NOS1AP: variants seen among roughly 807,000 people sequenced by gnomAD.
NOS1AP encodes carboxyl-terminal PDZ ligand of neuronal nitric oxide synthase protein.
In NOS1AP, 21 loss-of-function variants were observed where a neutral mutation model predicts 56.2. The ratio of observed to expected loss-of-function variants is 0.37; its 90% CI spans 0.26 to 0.54. The LOEUF is 0.54. NOS1AP is among the 20% of genes least tolerant of loss of function. The probability of loss-of-function intolerance (pLI) is 0.84; values close to 1 mark genes in which losing one functional copy is unlikely to be tolerated. For missense variants in NOS1AP, 522 were observed against 657.8 expected, an observed-to-expected ratio of 0.79 and a Z score of 2.26; for synonymous variants, 270 against 274.6, an observed-to-expected ratio of 0.98 and a Z score of 0.17.
intron 8 of NOS1AP, chr1:162,360,955 G>T (rs1231525736): frequency 4.4e-6 from 2 of 456,646 alleles, no homozygotes; most frequent in South Asian, 1.5e-5. Flanking sequence ...GGGCGCCAAT[G>T]GTCTGGTGTG....
At chr1:162,072,559 T>C (rs111317378) in intron 1 of NOS1AP, among the ~76,000 whole-genome samples, 1 of 152,106 alleles carries the variant, frequency 6.6e-6, no homozygotes, top group African/African-American at 2.4e-5. Flanking sequence ...GGATCCTTCT[T>C]TGAGAGAGGT....
At chr1:162,273,187 G>C in intron 2 of NOS1AP, among the ~76,000 whole-genome samples, 1 of 123,774 alleles carries the variant, frequency 8.1e-6, no homozygotes, top group Non-Finnish European at 1.7e-5. Flanking sequence ...TTTTTGAGAC[G>C]GAGTCTGGCT....
chr1:162,283,743 T>C (rs1267646073), intron 2 of NOS1AP, among the ~76,000 whole-genome samples: 1 of 152,116 alleles, frequency 6.6e-6, no homozygotes, highest in African/African-American at 2.4e-5. Flanking sequence ...AGTCTGCAGG[T>C]GGTGTTCCAG....
chr1:162,273,160 C>CTTTTTTTTTTTTTTTTTTTT (rs11429407), intron 2 of NOS1AP, among the ~76,000 whole-genome samples: 1 of 106,222 alleles, frequency 9.4e-6, no homozygotes, highest in Non-Finnish European at 1.8e-5. Flanking sequence ...AGCCCTTGTT[C>CTTTTTTTTTTTTTTTTTTTT]TTTTTTTTTT....
chr1:162,347,608 T>C (rs904796535), intron 6 of NOS1AP, among the ~76,000 whole-genome samples: 4 of 152,102 alleles, frequency 2.6e-5, no homozygotes, highest in Admixed American at 6.5e-5. Flanking sequence ...AAGGGCTAGA[T>C]CTTATTTCCC....
At chr1:162,254,279 A>G (rs1653956674) in intron 2 of NOS1AP, among the ~76,000 whole-genome samples, 1 of 152,128 alleles carries the variant, frequency 6.6e-6, no homozygotes, top group African/African-American at 2.4e-5. Context: ...ATCAGGGGCT[A>G]TAGTTTATAG....
At chr1:162,365,041 C>A (rs942724687) in intron 8 of NOS1AP, 5 of 1,143,120 alleles carry the variant, frequency 4.4e-6, no homozygotes, top group Non-Finnish European at 5.4e-6. Flanking sequence ...GTTCTCTAAG[C>A]AGGGATGGAG....
chr1:162,168,222 G>A (rs894027994), intron 2 of NOS1AP, among the ~76,000 whole-genome samples: 1 of 152,194 alleles, frequency 6.6e-6, no homozygotes, highest in African/African-American at 2.4e-5. Context: ...TAGGGCTGAT[G>A]GAGATCATCA....
At chr1:162,166,174 G>A (rs1650488989) in intron 2 of NOS1AP, among the ~76,000 whole-genome samples, 1 of 152,180 alleles carries the variant, frequency 6.6e-6, no homozygotes, top group Non-Finnish European at 1.5e-5. Flanking sequence ...AGCTGCCGCA[G>A]TGCCCTCCAG....
intron 1 of NOS1AP, among the ~76,000 whole-genome samples, chr1:162,137,237 T>C (rs1222633972): frequency 6.6e-6 from 1 of 152,232 alleles, no homozygotes; most frequent in Non-Finnish European, 1.5e-5. Context: ...TCCATCTATC[T>C]CTTCTTTGTC....
chr1:162,314,082 A>G (rs139787907), intron 4 of NOS1AP, among the ~76,000 whole-genome samples: 6 of 152,340 alleles, frequency 3.9e-5, no homozygotes, highest in Admixed American at 6.5e-5. Flanking sequence ...TTGCTGCACT[A>G]AAATATTCAT....
intron 6 of NOS1AP, among the ~76,000 whole-genome samples, chr1:162,346,433 A>G (rs543980734): frequency 2.0e-4 from 27 of 135,856 alleles, no homozygotes; most frequent in African/African-American, 6.4e-4. Context: ...AAAGTTTAGA[A>G]TTGTGAATAA....
At chr1:162,366,237 TG>T in intron 9 of NOS1AP, among the ~76,000 whole-genome samples, 1 of 152,052 alleles carries the variant, frequency 6.6e-6, no homozygotes, top group Non-Finnish European at 1.5e-5. Flanking sequence ...ATGCTCAGAG[TG>T]TGTGTGGGCT....
chr1:162,094,244 G>C (rs918370564), intron 1 of NOS1AP, among the ~76,000 whole-genome samples: 1 of 152,110 alleles, frequency 6.6e-6, no homozygotes, highest in Non-Finnish European at 1.5e-5. Flanking sequence ...GTGCTGGAGT[G>C]GTCTTCATGG....
intron 5 of NOS1AP, among the ~76,000 whole-genome samples, chr1:162,340,081 G>A (rs1204786856): frequency 6.6e-6 from 1 of 152,176 alleles, no homozygotes; most frequent in East Asian, 1.9e-4. Flanking sequence ...GTGTATGTAT[G>A]TAGTCATTCT....
chr1:162,346,539 A>G (rs1657302030), intron 6 of NOS1AP, among the ~76,000 whole-genome samples: 1 of 152,234 alleles, frequency 6.6e-6, no homozygotes, highest in African/African-American at 2.4e-5. Context: ...ATATGTATAC[A>G]CATGCATGCA....
At chr1:162,163,234 A>G (rs892396497) in intron 2 of NOS1AP, among the ~76,000 whole-genome samples, 1 of 151,846 alleles carries the variant, frequency 6.6e-6, no homozygotes, top group African/African-American at 2.4e-5. Context: ...TTTTTTCTTT[A>G]AAAGGGGCCC....
intron 3 of NOS1AP, among the ~76,000 whole-genome samples, chr1:162,287,638 C>A (rs1044679149): frequency 4.6e-5 from 7 of 152,132 alleles, no homozygotes; most frequent in African/African-American, 1.7e-4. Flanking sequence ...CCAGTTGGCT[C>A]AGTCAGTCCT....
chr1:162,100,538 T>C (rs564318239), intron 1 of NOS1AP, among the ~76,000 whole-genome samples: 9 of 152,350 alleles, frequency 5.9e-5, no homozygotes, highest in African/African-American at 2.2e-4. Context: ...TATTAGCCCT[T>C]TGTCAGATGA....
Sources: allele counts gnomAD v4.1 joint callset (sites outside exome capture counted in the v4.1 genomes callset), GRCh38; gene constraint gnomAD v4.1.1; transcripts MANE v1.5; gene names NCBI Gene and HGNC (gene_info 2026-07-23, HGNC 2026-07-21).